Variants in STPG2 observed in about 807,000 individuals in gnomAD.
The protein encoded by STPG2 is sperm tail PG-rich repeat containing 2, also known as sperm-tail PG-rich repeat-containing protein 2.
STPG2 carries 56 observed loss-of-function variants against 54.2 expected under a neutral mutation model. That is an observed-to-expected ratio of 1.03 (90% confidence interval 0.83 to 1.29). The LOEUF is 1.29. Among genes scored for constraint, STPG2 ranks in the 50% most tolerant of loss-of-function variants. STPG2 has a pLI of 0.00. For missense variants in STPG2, 596 were observed against 544.9 expected, an observed-to-expected ratio of 1.09 and a Z score of -0.93; for synonymous variants, 200 against 181.8, an observed-to-expected ratio of 1.10 and a Z score of -0.81.
intron 4 of STPG2, among the ~76,000 whole-genome samples, chr4:97,531,483 TA>T: frequency 6.6e-6 from 1 of 152,202 alleles, no homozygotes; most frequent in African/African-American, 2.4e-5. Flanking sequence ...GATGAAATAA[TA>T]AAGCAAATGT....
intron 10 of STPG2, among the ~76,000 whole-genome samples, chr4:97,665,495 G>T (rs997657118): frequency 2.6e-5 from 4 of 152,102 alleles, no homozygotes; most frequent in African/African-American, 9.7e-5. Context: ...TCATCTTTTT[G>T]AGTCTGGCTG....
At chr4:98,127,029 G>A (rs558477211) in intron 3 of STPG2, among the ~76,000 whole-genome samples, 1 of 151,736 alleles carries the variant, frequency 6.6e-6, no homozygotes, top group South Asian at 2.1e-4. Context: ...ATAACAGTAA[G>A]CAAAAAACCA....
chr4:97,442,350 T>C (rs1729109658), intron 4 of STPG2, among the ~76,000 whole-genome samples: 1 of 152,128 alleles, frequency 6.6e-6, no homozygotes, highest in Non-Finnish European at 1.5e-5. Context: ...TTTGAACATG[T>C]TAACTCACTC....
At chr4:97,792,618 A>C (rs1727036851) in intron 9 of STPG2, among the ~76,000 whole-genome samples, 1 of 151,740 alleles carries the variant, frequency 6.6e-6, no homozygotes, top group Middle Eastern at 3.4e-3. Flanking sequence ...TCTACTCAAA[A>C]CCCTCTAAAA....
At chr4:97,594,834 T>G (rs1733240284) in intron 10 of STPG2, among the ~76,000 whole-genome samples, 1 of 152,136 alleles carries the variant, frequency 6.6e-6, no homozygotes, top group African/African-American at 2.4e-5. Context: ...GGAGCATATA[T>G]TCAGTATTCT....
chr4:97,963,069 G>A (rs1009534940), intron 7 of STPG2, among the ~76,000 whole-genome samples: 2 of 152,150 alleles, frequency 1.3e-5, no homozygotes, highest in Non-Finnish European at 2.9e-5. Context: ...TGAGGAAGGA[G>A]AAATGCTTGA....
intron 9 of STPG2, among the ~76,000 whole-genome samples, chr4:97,738,533 G>C (rs561908750): frequency 2.6e-4 from 39 of 151,664 alleles, no homozygotes; most frequent in African/African-American, 8.9e-4. Context: ...CAAGCAAATG[G>C]AAAACAAAAA....
At chr4:97,447,328 G>T (rs1243840562) in intron 4 of STPG2, among the ~76,000 whole-genome samples, 1 of 152,204 alleles carries the variant, frequency 6.6e-6, no homozygotes, top group African/African-American at 2.4e-5. Flanking sequence ...TATTTTCTGG[G>T]GAGAAATTCA....
chr4:97,768,841 A>C (rs1278124822), intron 9 of STPG2, among the ~76,000 whole-genome samples: 1 of 152,072 alleles, frequency 6.6e-6, no homozygotes, highest in Non-Finnish European at 1.5e-5. Flanking sequence ...AGCTAGGACT[A>C]CAGGCATGTG....
intron 5 of STPG2, among the ~76,000 whole-genome samples, chr4:98,005,866 G>C (rs570697426): frequency 6.6e-6 from 1 of 152,226 alleles, no homozygotes; most frequent in South Asian, 2.1e-4. Flanking sequence ...TTGCTATCAG[G>C]ATAATTCTGG....
chr4:97,795,533 T>C (rs1195225833), intron 9 of STPG2, among the ~76,000 whole-genome samples: 1 of 152,238 alleles, frequency 6.6e-6, no homozygotes, highest in Non-Finnish European at 1.5e-5. Context: ...AACTCATCTT[T>C]TTTATGGCAG....
At chr4:98,049,730 G>A (rs987099892) in intron 5 of STPG2, among the ~76,000 whole-genome samples, 2 of 146,686 alleles carry the variant, frequency 1.4e-5, no homozygotes, top group Non-Finnish European at 3.0e-5. Flanking sequence ...TATAGGCTAT[G>A]GCCATTCTTC....
At position 97,565,845 on chromosome 4, in the gene STPG2, T is replaced by G. The variant is rs537715653; in HGVS notation, c.1321-6728A>C. 6.6e-3 allele frequency among the ~76,000 whole-genome samples: 1,010 copies of G among 151,894 alleles called. 22 individuals are homozygous for G. The highest frequency in any genetic ancestry group is 0.059 in the Middle Eastern group (17 of 290). ...GTGTGAGGTGTCATTCTGCCGCTAC[T>G]GGGGGGTGCCTCCCAGTTAGGCTGC... is the stretch of plus-strand genomic sequence containing the variant. On this transcript the variant is annotated intron_variant, in intron 10 of 10. Transcript: ENST00000295268.
intron 5 of STPG2, among the ~76,000 whole-genome samples, chr4:98,047,816 T>C (rs1737184842): frequency 6.6e-6 from 1 of 152,240 alleles, no homozygotes; most frequent in Non-Finnish European, 1.5e-5. Context: ...ATATTCTTCA[T>C]ATTTTTCTGC....
Position 97,677,007 on chromosome 4 carries a change from T to C in STPG2, c.1320+35692A>G, listed in dbSNP as rs372544183. Among the ~76,000 whole-genome samples the C allele has an allele frequency of 4.2e-4, 64 of 152,286 alleles. 1 individual carries two copies. The highest frequency in any genetic ancestry group is 1.4e-3 in the East Asian group (7 of 5,176). On this transcript the variant is annotated intron_variant, in intron 10 of 10. Transcript: ENST00000295268. ...TTTCTGAATTAGATAGCTATGTCAA[T>C]TTAAAGCCTTAACAAATTTATAGTA...
At chr4:98,053,730 C>T (rs960077212) in intron 5 of STPG2, among the ~76,000 whole-genome samples, 2 of 152,056 alleles carry the variant, frequency 1.3e-5, no homozygotes, top group African/African-American at 4.8e-5. Flanking sequence ...GAAACATTAA[C>T]TGGTTTCTTT....
At chr4:97,733,073 A>G (rs1418492328) in intron 9 of STPG2, among the ~76,000 whole-genome samples, 1 of 152,150 alleles carries the variant, frequency 6.6e-6, no homozygotes, top group Non-Finnish European at 1.5e-5. Context: ...CAATCCAGCA[A>G]TCCCACTACT....
chr4:97,561,902 T>A (rs1231645821), intron 10 of STPG2, among the ~76,000 whole-genome samples: 2 of 152,220 alleles, frequency 1.3e-5, no homozygotes, highest in East Asian at 3.9e-4. Flanking sequence ...TCTTTTGGCT[T>A]AGGATTGACT....
At chr4:98,140,024 TC>T in intron 1 of STPG2, among the ~76,000 whole-genome samples, 1 of 152,136 alleles carries the variant, frequency 6.6e-6, no homozygotes, top group South Asian at 2.1e-4. Flanking sequence ...CAATATAGAA[TC>T]AAAGTGCTAT....
Sources: gnomAD v4.1 joint callset for allele counts (sites outside exome capture counted in the v4.1 genomes callset) on GRCh38, gnomAD v4.1.1 for gene constraint, MANE v1.5 for transcripts, NCBI Gene and HGNC (gene_info 2026-07-23, HGNC 2026-07-21) for gene names.